Variants in PCDH15 observed in about 807,000 individuals in gnomAD.
The protein encoded by PCDH15 is protocadherin related 15.
Under a neutral mutation model 178.5 loss-of-function variants are expected in PCDH15, and 129 were observed. The ratio of observed to expected loss-of-function variants is 0.72; its 90% CI spans 0.63 to 0.84. The LOEUF is 0.84. PCDH15 is among the 40% of genes least tolerant of loss of function. The probability of loss-of-function intolerance (pLI) is 0.00; values close to 1 mark genes in which losing one functional copy is unlikely to be tolerated. For synonymous variants in PCDH15, 800 were observed against 732.0 expected, an observed-to-expected ratio of 1.09 and a Z score of -1.50; for missense variants, 2,230 against 2,099.9, an observed-to-expected ratio of 1.06 and a Z score of -1.21.
At chr10:53,811,884 T>A (rs1363546306) in intron 35 of PCDH15, among the ~76,000 whole-genome samples, 1 of 152,222 alleles carries the variant, frequency 6.6e-6, no homozygotes, top group Non-Finnish European at 1.5e-5. Context: ...TTTTTTCTAA[T>A]GGCAAACCTG....
chr10:55,495,316 G>A (rs778935219), intron 2 of PCDH15, among the ~76,000 whole-genome samples: 1 of 151,612 alleles, frequency 6.6e-6, no homozygotes, highest in Non-Finnish European at 1.5e-5. Flanking sequence ...CATTAACTAA[G>A]TCAAAAGGAA....
chr10:55,402,198 C>A (rs1308843697), intron 2 of PCDH15, among the ~76,000 whole-genome samples: 1 of 151,506 alleles, frequency 6.6e-6, no homozygotes, highest in Non-Finnish European at 1.5e-5. Context: ...TGGCATGAAC[C>A]ATTGGGAAGA....
intron 2 of PCDH15, among the ~76,000 whole-genome samples, chr10:55,446,208 C>T (rs1345751130): frequency 1.3e-5 from 2 of 151,732 alleles, no homozygotes; most frequent in Non-Finnish European, 2.9e-5. Flanking sequence ...CGAACACACA[C>T]ACAGAAACAC....
At chr10:55,370,332 T>A (rs974294671) in intron 2 of PCDH15, among the ~76,000 whole-genome samples, 1 of 152,114 alleles carries the variant, frequency 6.6e-6, no homozygotes, top group Non-Finnish European at 1.5e-5. Flanking sequence ...GTGTGATTGC[T>A]AAAGACAGCA....
intron 8 of PCDH15, among the ~76,000 whole-genome samples, chr10:54,238,625 A>T (rs2054877423): frequency 6.6e-6 from 1 of 150,602 alleles, no homozygotes; most frequent in Non-Finnish European, 1.5e-5. Flanking sequence ...TGTTCTTAAA[A>T]CGCAACTCTC....
At chr10:55,511,749 TATTCGCTATTTGTATGTTC>T (rs1840890054) in intron 2 of PCDH15, among the ~76,000 whole-genome samples, 2 of 152,126 alleles carry the variant, frequency 1.3e-5, no homozygotes, top group Non-Finnish European at 2.9e-5. Context: ...TTCAGTTATG[TATTCGCTATTTGTATGTTC>T]ATGAGAATCA....
chr10:54,413,429 C>G lies in PCDH15; in HGVS notation c.158-34487G>C, dbSNP rs1360054360. 2.1e-4 allele frequency among the ~76,000 whole-genome samples: 32 copies of G among 152,130 alleles called. 1 individual carries two copies. ...ACCTCTGACAACAATATTCAGGAAA[C>G]TATATAATCAACAGTCTACCAAGGT... is the stretch of plus-strand genomic sequence containing the variant. On this transcript the variant is annotated intron_variant, in intron 3 of 37. Transcript: ENST00000644397.
At chr10:55,432,107 ACACACAC>A (rs1047806838) in intron 2 of PCDH15, among the ~76,000 whole-genome samples, 6 of 150,980 alleles carry the variant, frequency 4.0e-5, no homozygotes, top group African/African-American at 1.5e-4. Flanking sequence ...ACACACACAC[ACACACAC>A]CACAAGTCTC....
intron 3 of PCDH15, among the ~76,000 whole-genome samples, chr10:54,512,225 T>C (rs2081747920): frequency 6.6e-6 from 1 of 152,178 alleles, no homozygotes; most frequent in Non-Finnish European, 1.5e-5. Context: ...GAGTAAGAGT[T>C]CTTATTAAAT....
At chr10:54,911,940 G>C (rs73264052) in intron 2 of PCDH15, among the ~76,000 whole-genome samples, 2 of 152,112 alleles carry the variant, frequency 1.3e-5, no homozygotes, top group African/African-American at 4.8e-5. Context: ...CTTTATAGCA[G>C]TGTAGAAAAG....
At chr10:53,953,145 G>C (rs2087250997) in intron 23 of PCDH15, among the ~76,000 whole-genome samples, 1 of 152,248 alleles carries the variant, frequency 6.6e-6, no homozygotes. Flanking sequence ...GTTGCAGCCA[G>C]CGTCTTTGCA....
intron 9 of PCDH15, among the ~76,000 whole-genome samples, chr10:54,214,926 A>G (rs1003277030): frequency 6.6e-6 from 1 of 152,172 alleles, no homozygotes; most frequent in Non-Finnish European, 1.5e-5. Flanking sequence ...AATAATCAAT[A>G]TACATTTCTT....
chr10:54,697,661 G>GAAGGAAAGAA (rs397976953), intron 1 of PCDH15, among the ~76,000 whole-genome samples: 1 of 89,330 alleles, frequency 1.1e-5, no homozygotes, highest in Non-Finnish European at 2.3e-5. Context: ...AGGAAGGAAG[G>GAAGGAAAGAA]GGAAGGGGGA....
intron 25 of PCDH15, among the ~76,000 whole-genome samples, chr10:53,926,022 T>A (rs1253374855): frequency 6.6e-6 from 1 of 152,210 alleles, no homozygotes; most frequent in African/African-American, 2.4e-5. Context: ...TTTATTTAGA[T>A]CTTATTCATG....
At chr10:54,630,974 G>A (rs766899408) in intron 2 of PCDH15, among the ~76,000 whole-genome samples, 5 of 152,016 alleles carry the variant, frequency 3.3e-5, no homozygotes, top group African/African-American at 7.2e-5. Flanking sequence ...CACACCAATC[G>A]GAATGCTATT....
chr10:55,141,510 CAAAGTAGAA>C (rs1240525785), intron 2 of PCDH15, among the ~76,000 whole-genome samples: 1 of 151,870 alleles, frequency 6.6e-6, no homozygotes, highest in Non-Finnish European at 1.5e-5. Flanking sequence ...CATCTTTGGC[CAAAGTAGAA>C]AACATTTTAT....
At chr10:55,556,530 T>C (rs779931806) in intron 2 of PCDH15, among the ~76,000 whole-genome samples, 2 of 152,054 alleles carry the variant, frequency 1.3e-5, no homozygotes, top group African/African-American at 2.4e-5. Context: ...TAGACTGGGT[T>C]TAAAAGTTAT....
chr10:55,441,220 G>C (rs929813093), intron 2 of PCDH15, among the ~76,000 whole-genome samples: 1 of 152,166 alleles, frequency 6.6e-6, no homozygotes, highest in South Asian at 2.1e-4. Context: ...ACCCACCTCT[G>C]TAACCAATCA....
intron 3 of PCDH15, among the ~76,000 whole-genome samples, chr10:54,424,143 C>A (rs1414078852): frequency 6.6e-6 from 1 of 151,712 alleles, no homozygotes; most frequent in African/African-American, 2.4e-5. Context: ...CCAGAATCTA[C>A]GAAGAACTCA....
Sources: allele counts gnomAD v4.1 joint callset (sites outside exome capture counted in the v4.1 genomes callset), GRCh38; gene constraint gnomAD v4.1.1; transcripts MANE v1.5; gene names NCBI Gene and HGNC (gene_info 2026-07-23, HGNC 2026-07-21).